EHMT1: variants seen among roughly 807,000 people sequenced by gnomAD.
EHMT1 encodes the protein euchromatic histone lysine methyltransferase 1, also known as histone-lysine N-methyltransferase EHMT1.
In EHMT1, 15 loss-of-function variants were observed where a neutral mutation model predicts 147.2. The ratio of observed to expected loss-of-function variants is 0.10; its 90% confidence interval spans 0.07 to 0.16. The LOEUF is 0.16. Ranked by LOEUF, EHMT1 falls within the 10% of genes least tolerant of loss-of-function variation. EHMT1 has a pLI of 1.00. For missense variants in EHMT1, 1,587 were observed against 1,772.4 expected, an observed-to-expected ratio of 0.90 and a Z score of 1.88; for synonymous variants, 795 against 709.6, an observed-to-expected ratio of 1.12 and a Z score of -1.91.
intron 1 of EHMT1, among the ~76,000 whole-genome samples, chr9:137,642,279 T>TA (rs1367561702): frequency 6.6e-6 from 1 of 152,196 alleles, no homozygotes; most frequent in African/African-American, 2.4e-5. Context: ...TCTTTTTTGT[T>TA]ACTTTCTGCC....
At chr9:137,794,348 C>G (rs1952742936) in intron 16 of EHMT1, among the ~76,000 whole-genome samples, 1 of 152,084 alleles carries the variant, frequency 6.6e-6, no homozygotes, top group South Asian at 2.1e-4. Flanking sequence ...ATTGCTAGAT[C>G]AAAGTAGGCA....
chr9:137,751,117 C>T (rs954631300), intron 6 of EHMT1, among the ~76,000 whole-genome samples: 7 of 152,178 alleles, frequency 4.6e-5, no homozygotes, highest in South Asian at 4.2e-4. Context: ...TTTTAAAAAA[C>T]GAATTCCAGA....
chr9:137,650,994 G>C (rs1047656517), intron 1 of EHMT1: 1 of 152,214 alleles, frequency 6.6e-6, no homozygotes, highest in African/African-American at 2.4e-5. Context: ...CTGGGAGTTC[G>C]AGGCTGCGGT....
intron 1 of EHMT1, among the ~76,000 whole-genome samples, chr9:137,673,894 C>G (rs931909036): frequency 2.0e-5 from 3 of 152,178 alleles, no homozygotes; most frequent in Admixed American, 2.0e-4. Flanking sequence ...CCAATACTAG[C>G]AGGACCTGAG....
intron 1 of EHMT1, among the ~76,000 whole-genome samples, chr9:137,627,702 AT>A (rs71296960): frequency 2.3e-3 from 310 of 136,002 alleles, no homozygotes; most frequent in South Asian, 3.7e-3. Context: ...TATAAGCTGG[AT>A]TTTTTTTTTT....
At chr9:137,718,009 G>A (rs978955619) in intron 3 of EHMT1, among the ~76,000 whole-genome samples, 8 of 152,090 alleles carry the variant, frequency 5.3e-5, no homozygotes, top group African/African-American at 1.4e-4. Context: ...CACAGGGCGC[G>A]CCCACCCCTC....
In EHMT1 at chr9:137,732,005, A is replaced by G. The variant is rs1431707521; in HGVS notation, c.823+3476A>G. ...AGTCACCAGCAACTGCAGAGCCCCAAGGGGATAGGGTGGGAGAGTGTGCTA... is the reference window on the plus strand; with the variant it reads ...AGTCACCAGCAACTGCAGAGCCCCAGGGGGATAGGGTGGGAGAGTGTGCTA... On this transcript the variant is annotated intron_variant, in intron 4 of 26. Coordinates refer to ENST00000460843, the MANE Select transcript of EHMT1 (RefSeq NM_024757.5). This position sits in a 1 kb window ranked among gnomAD's most constrained non-coding sequence, Gnocchi z 4.6. Among the ~76,000 whole-genome samples, 1 of 152,170 alleles carries G rather than the reference A, an allele frequency of 6.6e-6. No homozygotes were observed. Among genetic ancestry groups the G allele is most frequent in the Non-Finnish European group, 1.5e-5 (1 of 68,012 alleles).
intron 1 of EHMT1, among the ~76,000 whole-genome samples, chr9:137,663,333 T>A (rs979789869): frequency 2.6e-5 from 4 of 152,076 alleles, no homozygotes; most frequent in Non-Finnish European, 1.5e-5. Flanking sequence ...TATGGCTGGT[T>A]AGGTGTCGAT....
At chr9:137,763,519 G>A (rs7018624) in intron 10 of EHMT1, 11,053 of 156,342 alleles carry the variant, frequency 0.071, 1,247 homozygotes, top group African/African-American at 0.24. Context: ...TGCTGTGGCC[G>A]AAGTCAGCAC....
chr9:137,831,961 C>T (rs918903856), intron 25 of EHMT1, among the ~76,000 whole-genome samples: 14 of 151,074 alleles, frequency 9.3e-5, no homozygotes, highest in Non-Finnish European at 1.6e-4. Context: ...TGCTGCACTT[C>T]GCCCCAGTCC....
intron 3 of EHMT1, among the ~76,000 whole-genome samples, chr9:137,722,158 T>A (rs1021706370): frequency 6.6e-6 from 1 of 152,240 alleles, no homozygotes; most frequent in Non-Finnish European, 1.5e-5. Context: ...TCTGAAGTTA[T>A]GCTTTTATTA....
At chr9:137,673,900 C>T (rs907950431) in intron 1 of EHMT1, among the ~76,000 whole-genome samples, 2 of 152,180 alleles carry the variant, frequency 1.3e-5, no homozygotes, top group Non-Finnish European at 2.9e-5. Context: ...CTAGCAGGAC[C>T]TGAGAGTCTG....
chr9:137,748,376 T>C (rs1029424750), intron 6 of EHMT1, among the ~76,000 whole-genome samples: 1 of 152,272 alleles, frequency 6.6e-6, no homozygotes, highest in Non-Finnish European at 1.5e-5. Flanking sequence ...CAGGTTCCTC[T>C]GTATGGCTGC....
chr9:137,654,101 G>T (rs949296046), intron 1 of EHMT1, among the ~76,000 whole-genome samples: 5 of 152,144 alleles, frequency 3.3e-5, no homozygotes, highest in Non-Finnish European at 7.3e-5. Flanking sequence ...TTGACCATAG[G>T]CTGGGCGCGG....
At chr9:137,660,926 TCTA>T (rs1939010410) in intron 1 of EHMT1, among the ~76,000 whole-genome samples, 1 of 152,208 alleles carries the variant, frequency 6.6e-6, no homozygotes, top group African/African-American at 2.4e-5. Context: ...CTTGCTAAGC[TCTA>T]CTATTATTTC....
chr9:137,762,176 C>G (rs73574189), intron 9 of EHMT1, among the ~76,000 whole-genome samples: 3,028 of 152,252 alleles, frequency 0.02, 113 homozygotes, highest in African/African-American at 0.069. Context: ...CTCTTTCAGC[C>G]TAATAAATGG....
intron 6 of EHMT1, chr9:137,746,636 T>C (rs1948562959): frequency 6.6e-6 from 1 of 152,198 alleles, no homozygotes; most frequent in Non-Finnish European, 1.5e-5. Context: ...CTGCTCAGAA[T>C]GGGGGAAGTT....
intron 15 of EHMT1, chr9:137,784,609 C>G (rs73578104): frequency 0.037 from 7,599 of 204,118 alleles, 610 homozygotes; most frequent in African/African-American, 0.17. Context: ...TGGTTCCTGT[C>G]AGTCTCACAT....
At chr9:137,817,763 G>T in intron 24 of EHMT1, 2 of 635,580 alleles carry the variant, frequency 3.1e-6, no homozygotes, top group Non-Finnish European at 2.7e-6. Flanking sequence ...CAGTTAGGAA[G>T]GCGTGGTCCA....
Sources: allele counts gnomAD v4.1 joint callset (sites outside exome capture counted in the v4.1 genomes callset), GRCh38; gene constraint gnomAD v4.1.1; non-coding constraint Gnocchi (gnomAD v3.1); transcripts MANE v1.5; gene names NCBI Gene and HGNC (gene_info 2026-07-23, HGNC 2026-07-21).